The following CD8B2 variants were observed in gnomAD, a reference collection of about 807,000 sequenced individuals.
CD8B2 encodes CD8B family member 2.
In CD8B2, 11 loss-of-function variants were observed where a neutral mutation model predicts 23.7. The ratio of observed to expected loss-of-function variants is 0.46; its 90% confidence interval spans 0.29 to 0.77. CD8B2 has a LOEUF of 0.77. CD8B2 is among the 30% of genes least tolerant of loss of function. The pLI, the probability that CD8B2 is intolerant of heterozygous loss-of-function variation, is 0.09. For missense variants in CD8B2, 197 were observed against 270.5 expected (o/e 0.73, Z 1.91); for synonymous variants, 90 against 109.3 (o/e 0.82, Z 1.10).
intron 5 of CD8B2, chr2:106,542,992 G>A (rs1032575337): frequency 2.6e-5 from 4 of 152,116 alleles, no homozygotes; most frequent in African/African-American, 9.7e-5. Flanking sequence ...CACAGGTCCG[G>A]GAGGTTCGCG....
At chr2:106,542,788 A>G (rs1016547425) in intron 5 of CD8B2, among the ~76,000 whole-genome samples, 2 of 151,214 alleles carry the variant, frequency 1.3e-5, no homozygotes, top group Admixed American at 6.6e-5. Context: ...ATAAAAGTAT[A>G]TACATTTTAC....
downstream of CD8B2, among the ~76,000 whole-genome samples, chr2:106,513,752 G>A (rs1679681833): frequency 6.6e-6 from 1 of 152,144 alleles, no homozygotes; most frequent in African/African-American, 2.4e-5. Flanking sequence ...CCAAGTTTGG[G>A]GGACATGGGG....
intron 5 of CD8B2, among the ~76,000 whole-genome samples, chr2:106,524,251 A>G (rs903580402): frequency 2.6e-5 from 4 of 151,994 alleles, no homozygotes; most frequent in African/African-American, 9.7e-5. Flanking sequence ...TCAGAGTTCT[A>G]TTTTCATACA....
intron 5 of CD8B2, among the ~76,000 whole-genome samples, chr2:106,505,963 C>T (rs1319618060): frequency 1.3e-5 from 2 of 152,110 alleles, no homozygotes; most frequent in Non-Finnish European, 2.9e-5. Context: ...GAAACCCCAT[C>T]TCTACTAAAA....
chr2:106,515,775 C>G (rs910638486), downstream of CD8B2, among the ~76,000 whole-genome samples: 7 of 152,088 alleles, frequency 4.6e-5, no homozygotes, highest in African/African-American at 1.7e-4. Context: ...ATCTGAGCCT[C>G]TTCTGAACAC....
chr2:106,503,393 G>A (rs1206660873), intron 4 of CD8B2, among the ~76,000 whole-genome samples: 1 of 151,948 alleles, frequency 6.6e-6, no homozygotes, highest in Non-Finnish European at 1.5e-5. Flanking sequence ...AATGCACCCA[G>A]GAGCATACTT....
chr2:106,521,310 GAAGATGAAGCCACCA>G (rs1679822720), intron 5 of CD8B2, among the ~76,000 whole-genome samples: 2 of 152,136 alleles, frequency 1.3e-5, no homozygotes. Flanking sequence ...AAAGAGAAGG[GAAGATGAAGCCACCA>G]TTTTGATCAT....
chr2:106,522,831 C>T (rs1188367116), intron 5 of CD8B2, among the ~76,000 whole-genome samples: 1 of 152,096 alleles, frequency 6.6e-6, no homozygotes, highest in Non-Finnish European at 1.5e-5. Context: ...CTGAGTGAGG[C>T]AGGCACCTTG....
rs965014061 is a variant in CD8B2 at position 106,507,840 on chromosome 2, C to A, written c.*900C>A. Reference sequence around the variant, plus strand: ...GAGAGGCTAGGAAGCGCCCAGGGCACCCAGAGCCAGGCTGCAGGTGCCTCA... The same window carrying A: ...GAGAGGCTAGGAAGCGCCCAGGGCAACCAGAGCCAGGCTGCAGGTGCCTCA... On this transcript the variant is annotated 3_prime_UTR_variant, in exon 6 of 6. Coordinates refer to ENST00000643224, the MANE Select transcript of CD8B2 (RefSeq NM_001349727.2). The A allele has an allele frequency of 1.3e-5, 2 of 157,998 alleles. No individual in the cohort carries two copies. Among genetic ancestry groups the A allele is most frequent in the Non-Finnish European group, 2.7e-5 (2 of 73,902 alleles). The allele number at this position is 157,998 out of a possible 1,614,324, so 9.8% of individuals were successfully genotyped here.
At chr2:106,539,627 A>C (rs1258325103) in intron 5 of CD8B2, among the ~76,000 whole-genome samples, 1 of 152,202 alleles carries the variant, frequency 6.6e-6, no homozygotes, top group Non-Finnish European at 1.5e-5. Flanking sequence ...CACAAACACC[A>C]AAAACATTTT....
chr2:106,503,163 G>T (rs1242611246), intron 4 of CD8B2, among the ~76,000 whole-genome samples: 1 of 151,566 alleles, frequency 6.6e-6, no homozygotes. Flanking sequence ...GGGAGCCGGA[G>T]GGGAGGCCTG....
chr2:106,509,760 A>C lies in CD8B2; in HGVS notation c.*2820A>C, dbSNP rs1193358799. 2 of 152,214 alleles carry C rather than the reference A, an allele frequency of 1.3e-5. No homozygotes were observed. Among genetic ancestry groups the C allele is most frequent in the African/African-American group, 2.4e-5 (1 of 41,448 alleles). The allele number at this position is 152,214 out of a possible 1,614,324, so 9.4% of individuals were successfully genotyped here. A position where few individuals can be genotyped will look rare whatever the true frequency, so the allele number is the denominator to read the frequency against. On this transcript the variant is annotated 3_prime_UTR_variant, in exon 6 of 6. Coordinates refer to ENST00000643224, the MANE Select transcript of CD8B2 (RefSeq NM_001349727.2). ...AGGAACTGAGCTGCTACTACACTCT[A>C]TAGGGCCATTATGATGAAATATGCC...
intron 5 of CD8B2, among the ~76,000 whole-genome samples, chr2:106,528,317 T>C (rs1428771060): frequency 6.6e-5 from 10 of 152,206 alleles, no homozygotes; most frequent in Non-Finnish European, 1.3e-4. Context: ...ACCAAGATAG[T>C]GAAGATCTAT....
At chr2:106,493,316 G>C (rs1318254949) in intron 2 of CD8B2, among the ~76,000 whole-genome samples, 1 of 152,148 alleles carries the variant, frequency 6.6e-6, no homozygotes, top group Non-Finnish European at 1.5e-5. Flanking sequence ...TTCCTTTTAA[G>C]AACAGAGAGG....
At position 106,487,610 on chromosome 2, in the gene CD8B2, G is replaced by C. The variant is rs540489216; in HGVS notation, c.43+141G>C. 66 of 422,882 alleles carry C rather than the reference G, an allele frequency of 1.6e-4. 1 individual carries two copies. The South Asian group carries it at 6.6e-3, about 43-fold the overall frequency. 26.2% of individuals were successfully genotyped at this position (422,882 alleles called of 1,614,324 possible). A position where few individuals can be genotyped will look rare whatever the true frequency, so the allele number is the denominator to read the frequency against. ...GGCGGGGCGCCCGGGAGGCAGCTTGGCAGGCAGGGTCCCTAAGGGTGGAAA... is the reference window on the plus strand; with the variant it reads ...GGCGGGGCGCCCGGGAGGCAGCTTGCCAGGCAGGGTCCCTAAGGGTGGAAA... On this transcript the variant is annotated intron_variant, in intron 1 of 5. Transcript: ENST00000643224.
chr2:106,515,930 C>T (rs1440400548), downstream of CD8B2, among the ~76,000 whole-genome samples: 1 of 152,010 alleles, frequency 6.6e-6, no homozygotes, highest in Non-Finnish European at 1.5e-5. Context: ...TCAAGCGATT[C>T]TCCTGCCTCA....
rs2104560174 is a variant in CD8B2, at chr2:106,506,972, A to G, written c.*32A>G. 6.3e-7 allele frequency: 1 copy of G among 1,596,544 alleles called. No individual in the cohort carries two copies. Among genetic ancestry groups the G allele is most frequent in the Non-Finnish European group, 8.5e-7 (1 of 1,171,002 alleles). ...AATACGGTTTTGGTGTCCTGCTACA[A>G]AAAGACATCGGTCAGTAACGAGCAC... On this transcript the variant is annotated 3_prime_UTR_variant, in exon 6 of 6. Coordinates refer to ENST00000643224, the MANE Select transcript of CD8B2 (RefSeq NM_001349727.2).
At chr2:106,502,287 T>G (rs916975429) in intron 3 of CD8B2, among the ~76,000 whole-genome samples, 187 bp from the exon 4 acceptor site, 1 of 61,698 alleles carries the variant, frequency 1.6e-5, no homozygotes, top group African/African-American at 7.2e-5. Context: ...AGAGCAAGAC[T>G]CTGTCTCAAA....
At chr2:106,539,069 C>T (rs771442289) in intron 5 of CD8B2, among the ~76,000 whole-genome samples, 1 of 152,212 alleles carries the variant, frequency 6.6e-6, no homozygotes, top group African/African-American at 2.4e-5. Flanking sequence ...CAAGTGAACA[C>T]GTGTTCACTT....
Sources: gnomAD v4.1 joint callset for allele counts (sites outside exome capture counted in the v4.1 genomes callset) on GRCh38, gnomAD v4.1.1 for gene constraint, MANE v1.5 for transcripts, NCBI Gene and HGNC (gene_info 2026-07-23, HGNC 2026-07-21) for gene names.